CHST10: variants seen among roughly 807,000 people sequenced by gnomAD.
The protein encoded by CHST10 is carbohydrate sulfotransferase 10.
Under a neutral mutation model 34.7 loss-of-function variants are expected in CHST10, and 24 were observed. That is an observed-to-expected ratio of 0.69 (90% CI 0.50 to 0.97). The LOEUF (loss-of-function observed/expected upper bound fraction) is 0.97. Among genes scored for constraint, CHST10 ranks in the 50% least tolerant of loss-of-function variants. CHST10 has a pLI of 0.00. For synonymous variants in CHST10, 161 were observed against 169.3 expected, an observed-to-expected ratio of 0.95 and a Z score of 0.38; for missense variants, 402 against 452.1, an observed-to-expected ratio of 0.89 and a Z score of 1.00.
At chr2:100,408,600 T>C (rs566970645) in intron 2 of CHST10, 1 of 151,640 alleles carries the variant, frequency 6.6e-6, no homozygotes, top group African/African-American at 2.4e-5. Flanking sequence ...TCTTCGTGAT[T>C]TTCCAGCTTA....
At position 100,402,395 on chromosome 2, in the gene CHST10, C is replaced by T. The variant is rs545719812; in HGVS notation, c.192+169G>A. On this transcript the variant is annotated intron_variant, in intron 4 of 6. Coordinates refer to ENST00000264249, the MANE Select transcript of CHST10 (RefSeq NM_004854.5). The stretch of plus-strand genomic sequence containing the variant: ...GGCACAAAAATAGACGTGACCTGTG[C>T]CTCTCCCAAATGGAAATTAACAAGG... Among the ~76,000 whole-genome samples, 82 of 152,310 alleles carry T rather than the reference C, an allele frequency of 5.4e-4. 1 individual carries two copies. The highest frequency in any genetic ancestry group is 3.4e-3 in the Middle Eastern group (1 of 294).
chr2:100,411,140 A>T (rs1675818005), intron 2 of CHST10, among the ~76,000 whole-genome samples: 1 of 135,586 alleles, frequency 7.4e-6, no homozygotes, highest in South Asian at 2.3e-4. Flanking sequence ...TTTTTGAGGC[A>T]GTGTGTCTCT....
rs565419271 is a variant in CHST10, at chr2:100,392,894, C to A, written c.*351G>T. The A allele has an allele frequency of 7.1e-4, 186 of 261,472 alleles. 1 individual carries two copies. Among genetic ancestry groups the A allele is most frequent in the African/African-American group, 3.9e-3 (178 of 45,970 alleles). The allele number at this position is 261,472 out of a possible 1,614,324, so 16.2% of individuals were successfully genotyped here. A position where few individuals can be genotyped will look rare whatever the true frequency, so the allele number is the denominator to read the frequency against. ...AGCCAGGAGAACCTCAGGGGCATCCCCTTCCTTAACACCTGAAGGAAACGG... is the reference window on the plus strand; with the variant it reads ...AGCCAGGAGAACCTCAGGGGCATCCACTTCCTTAACACCTGAAGGAAACGG... On this transcript the variant is annotated 3_prime_UTR_variant, in exon 7 of 7. Transcript: ENST00000264249.
chr2:100,394,497 A>G (rs937386946), intron 6 of CHST10, among the ~76,000 whole-genome samples: 4 of 152,148 alleles, frequency 2.6e-5, no homozygotes, highest in Non-Finnish European at 4.4e-5. Context: ...ACAGCAGGAC[A>G]CTCCTCACCA....
At chr2:100,403,781 G>A (rs1016786344) in intron 3 of CHST10, among the ~76,000 whole-genome samples, 8 of 152,182 alleles carry the variant, frequency 5.3e-5, no homozygotes, top group Non-Finnish European at 8.8e-5. Flanking sequence ...TTCACAATGG[G>A]CTTCTGGTTC....
chr2:100,409,009 C>A (rs933181168), intron 2 of CHST10, among the ~76,000 whole-genome samples: 1 of 152,174 alleles, frequency 6.6e-6, no homozygotes, highest in East Asian at 1.9e-4. Context: ...TGCAACCCAC[C>A]CTCTCCTAGG....
At chr2:100,413,289 C>G (rs1219653869) in intron 2 of CHST10, among the ~76,000 whole-genome samples, 1 of 152,198 alleles carries the variant, frequency 6.6e-6, no homozygotes, top group Non-Finnish European at 1.5e-5. Context: ...AGCCCCTACA[C>G]GCCCTCCCTT....
At chr2:100,407,964 T>C (rs1282800956) in intron 2 of CHST10, 1 of 152,098 alleles carries the variant, frequency 6.6e-6, no homozygotes, top group African/African-American at 2.4e-5. Flanking sequence ...AAAATTTTAG[T>C]GTAAGTATAA....
chr2:100,409,957 T>A (rs1675754945), intron 2 of CHST10, among the ~76,000 whole-genome samples: 1 of 152,200 alleles, frequency 6.6e-6, no homozygotes, highest in Admixed American at 6.5e-5. Flanking sequence ...TTTTCCCTGC[T>A]TCTTGTCCCC....
chr2:100,416,655 T>C (rs890223088), intron 1 of CHST10: 12 of 309,204 alleles, frequency 3.9e-5, no homozygotes, highest in Admixed American at 2.4e-4. Context: ...CAACTCCTCA[T>C]GGCCCAAAGC....
intron 4 of CHST10, 148 bp downstream of exon 4, chr2:100,402,416 C>A (rs1367317036): frequency 1.5e-6 from 1 of 649,892 alleles, no homozygotes; most frequent in African/African-American, 1.8e-5. Context: ...TGGAAATTAA[C>A]AAGGTGAACT....
rs74369108 is a variant in CHST10, at chr2:100,395,717, C to T, written c.428-103G>A. ...TTTACCTTGGGCCTCATGTTCCCCA[C>T]GTGTGCATGACAAGCCCACCCCCAA... is the stretch of plus-strand genomic sequence containing the variant. On this transcript the variant is annotated intron_variant, in intron 5 of 6. Coordinates refer to ENST00000264249, the MANE Select transcript of CHST10 (RefSeq NM_004854.5). 4.3e-3 allele frequency: 3,522 copies of T among 820,560 alleles called. 21 individuals carry two copies. Among genetic ancestry groups the T allele is most frequent in the Middle Eastern group, 9.4e-3 (27 of 2,868 alleles). 50.8% of individuals were successfully genotyped at this position (820,560 alleles called of 1,614,324 possible).
rs556134119 is a variant in CHST10 at position 100,400,131 on chromosome 2, A to G, written c.193-1989T>C. On this transcript the variant is annotated intron_variant, in intron 4 of 6. Coordinates refer to ENST00000264249, the MANE Select transcript of CHST10 (RefSeq NM_004854.5). ...GCGCATCAGGAGAGAGCACCTCCCA[A>G]CAAGTTCCCTTTAGAAAATGCAGAA... Among the ~76,000 whole-genome samples the G allele has an allele frequency of 2.6e-5, 4 of 152,308 alleles. No individual in the cohort carries two copies. In the East Asian group the frequency reaches 7.7e-4, roughly 29 times the overall value.
Position 100,392,759 on chromosome 2 carries a change from T to C in CHST10, c.*486A>G. 5.9e-6 allele frequency: 1 copy of C among 170,550 alleles called. No homozygotes were observed. Among genetic ancestry groups the C allele is most frequent in the South Asian group, 1.5e-4 (1 of 6,700 alleles). 10.6% of individuals were successfully genotyped at this position (170,550 alleles called of 1,614,324 possible). ...GTGCCGTTTTACTCCTCAGATCTGA[T>C]GCTGCAAAAGTCTCTGCGATTTCAG... On this transcript the variant is annotated 3_prime_UTR_variant, in exon 7 of 7. Transcript: ENST00000264249.
At position 100,406,262 on chromosome 2, in the gene CHST10, CTG is replaced by C. The variant is rs770755731; in HGVS notation, c.100+312_100+313del. Among the ~76,000 whole-genome samples, 443 of 152,342 alleles carry C rather than the reference CTG, an allele frequency of 2.9e-3. 1 individual carries two copies. Among genetic ancestry groups the C allele is most frequent in the Non-Finnish European group, 3.5e-3 (240 of 68,026 alleles). On this transcript the variant is annotated intron_variant, in intron 3 of 6. Coordinates refer to ENST00000264249, the MANE Select transcript of CHST10 (RefSeq NM_004854.5). ...AACTGCGAGCCTGAGAGGCGCCCTG[CTG>C]CAAGGCATAAGGCCACTGTGCTGCT...
chr2:100,416,712 C>CAACAACAAA (rs1055488794), intron 1 of CHST10: 1 of 337,800 alleles, frequency 3.0e-6, no homozygotes, highest in African/African-American at 2.2e-5. Context: ...ACAACAACAA[C>CAACAACAAA]AAAAACCCAC....
Position 100,398,110 on chromosome 2 carries a change from G to C in CHST10, c.225C>G (p.Leu75=), listed in dbSNP as rs766638550. ...GCTCCATGTAGACCAGGGGCTGAAC[G>C]AGCTGGCTGTCTGGAAGCTCCTTCC... is the stretch of plus-strand genomic sequence containing the variant. ...PTGKELPDSQ[L]VQPLVYMERL... Residue 75 remains leucine, a synonymous_variant, in exon 5 of 7, where the codon CTC becomes CTG. Coordinates refer to ENST00000264249, the MANE Select transcript of CHST10 (RefSeq NM_004854.5). 5 of 1,613,472 alleles carry C rather than the reference G, an allele frequency of 3.1e-6. No homozygotes were observed. The highest frequency in any genetic ancestry group is 1.1e-5 in the South Asian group (1 of 90,912).
Position 100,414,382 on chromosome 2 carries a change from A to AC in CHST10, c.-33+658_-33+659insG, listed in dbSNP as rs1675976891. 3.3e-5 allele frequency among the ~76,000 whole-genome samples: 5 copies of AC among 150,108 alleles called. No individual in the cohort carries two copies. The South Asian group carries it at 8.4e-4, about 25-fold the overall frequency. On this transcript the variant is annotated intron_variant, in intron 2 of 6. Coordinates refer to ENST00000264249, the MANE Select transcript of CHST10 (RefSeq NM_004854.5). Reference sequence around the variant, plus strand: ...AAACTTCACACACACACACACACACAAAAACCTGGTAATGTACAAGGAACT... The same window carrying AC: ...AAACTTCACACACACACACACACACACAAAACCTGGTAATGTACAAGGAACT...
At chr2:100,414,019 C>A (rs184334180) in intron 2 of CHST10, among the ~76,000 whole-genome samples, 2 of 152,098 alleles carry the variant, frequency 1.3e-5, no homozygotes, top group Non-Finnish European at 2.9e-5. Flanking sequence ...CAGACATAGA[C>A]GGGCCATAAA....
Sources: allele counts gnomAD v4.1 joint callset (sites outside exome capture counted in the v4.1 genomes callset), GRCh38; gene constraint gnomAD v4.1.1; transcripts MANE v1.5; gene names NCBI Gene and HGNC (gene_info 2026-07-23, HGNC 2026-07-21).